The following KIF25 variants were observed in gnomAD, a reference collection of about 807,000 sequenced individuals.
The protein encoded by KIF25 is kinesin family member 25.
KIF25 carries 19 observed loss-of-function variants against 32.9 expected under a neutral mutation model. The ratio of observed to expected loss-of-function variants is 0.58; its 90% CI spans 0.40 to 0.85. KIF25 has a LOEUF of 0.85. Among genes scored for constraint, KIF25 ranks in the 40% least tolerant of loss-of-function variants. The pLI is 0.00. For synonymous variants in KIF25, 225 were observed against 213.7 expected (o/e 1.05, Z -0.46); for missense variants, 485 against 507.0 (o/e 0.96, Z 0.42).
chr6:168,000,508 A>C (rs1583121161), intron 2 of KIF25, among the ~76,000 whole-genome samples: 1 of 51,492 alleles, frequency 1.9e-5, no homozygotes, highest in African/African-American at 7.7e-5. Flanking sequence ...GACCCTCCCC[A>C]CTCCCATCCT....
intron 5 of KIF25, among the ~76,000 whole-genome samples, chr6:168,022,935 C>A (rs973066245): frequency 2.6e-5 from 4 of 151,876 alleles, no homozygotes; most frequent in African/African-American, 9.7e-5. Context: ...CATTTGGATT[C>A]TGTGCTCACT....
At chr6:168,024,522 A>T (rs1170739248) in intron 5 of KIF25, among the ~76,000 whole-genome samples, 1 of 139,776 alleles carries the variant, frequency 7.2e-6, no homozygotes, top group Non-Finnish European at 1.5e-5. Flanking sequence ...GACTCCTTCC[A>T]GGAGTTTATA....
At chr6:168,042,496 C>G in intron 11 of KIF25, 65 bp from the exon 12 acceptor site, 1 of 1,565,964 alleles carries the variant, frequency 6.4e-7, no homozygotes, top group Non-Finnish European at 8.7e-7. Flanking sequence ...CCCAAGGAGC[C>G]GGTTTTGCTT....
At chr6:168,033,395 G>C (rs1311825328) in intron 7 of KIF25, among the ~76,000 whole-genome samples, 1 of 151,890 alleles carries the variant, frequency 6.6e-6, no homozygotes, top group Non-Finnish European at 1.5e-5. Flanking sequence ...AGCTACTTGG[G>C]AGGCTTAGGC....
chr6:168,012,212 G>C (rs947261224), intron 4 of KIF25, among the ~76,000 whole-genome samples: 3 of 152,084 alleles, frequency 2.0e-5, no homozygotes, highest in East Asian at 1.9e-4. Flanking sequence ...TCTGTTACTA[G>C]AGGATTATTA....
chr6:168,038,220 T>C (rs1799054110), intron 8 of KIF25, among the ~76,000 whole-genome samples: 1 of 152,210 alleles, frequency 6.6e-6, no homozygotes, highest in Non-Finnish European at 1.5e-5. Context: ...CAGTGATTGG[T>C]CAATGGGGCA....
Position 168,040,205 on chromosome 6 carries a change from C to T in KIF25, c.635C>T (p.Ser212Phe), listed in dbSNP as rs940465491. The change falls in exon 10 of 13, where the codon TCT (serine) becomes TTT (phenylalanine). Residue 212 changes from serine to phenylalanine, a missense_variant. This residue lies in a region of KIF25 where 480 missense variants were observed against 470.3 expected (regional missense o/e 1.02). Transcript: ENST00000643607. ...GTGACTCTAACCACAGCCTCCTGCT[C>T]TGACAGCACTGGTAAGTCACCATTT... ...ITVTLTTASC[S>F]DSTADQACSA... 1 of 1,612,126 alleles carries T rather than the reference C, an allele frequency of 6.2e-7. No individual in the cohort carries two copies. The highest frequency in any genetic ancestry group is 1.3e-5 in the African/African-American group (1 of 74,918).
intron 4 of KIF25, among the ~76,000 whole-genome samples, chr6:168,009,329 T>G (rs917232372): frequency 6.6e-6 from 1 of 152,172 alleles, no homozygotes; most frequent in Non-Finnish European, 1.5e-5. Flanking sequence ...TTGGAGATGA[T>G]CACATGATTT....
intron 4 of KIF25, among the ~76,000 whole-genome samples, chr6:168,011,196 T>G (rs568095798): frequency 4.9e-4 from 74 of 152,300 alleles, no homozygotes; most frequent in Non-Finnish European, 9.3e-4. Context: ...GCTTCTTACT[T>G]CCTCTCTTAT....
intron 4 of KIF25, among the ~76,000 whole-genome samples, chr6:168,012,893 T>G (rs1398641661): frequency 6.6e-6 from 1 of 151,934 alleles, no homozygotes; most frequent in Non-Finnish European, 1.5e-5. Flanking sequence ...CTGCCAGGGG[T>G]GACCTGTGTG....
intron 9 of KIF25, 106 bp from the exon 10 acceptor site, chr6:168,039,959 C>T (rs2073631): frequency 0.59 from 808,669 of 1,363,094 alleles, 238,374 homozygotes; most frequent in Non-Finnish European, 0.6. Context: ...CCCACTGGCA[C>T]GCGTGGCTCA....
intron 11 of KIF25, 145 bp downstream of exon 11, chr6:168,042,296 C>T: frequency 1.1e-6 from 1 of 944,222 alleles, no homozygotes; most frequent in East Asian, 2.7e-5. Context: ...AATCCCGTTA[C>T]ATTCTCAGGG....
chr6:168,039,576 C>A (rs1253502595), intron 9 of KIF25, among the ~76,000 whole-genome samples: 2 of 151,938 alleles, frequency 1.3e-5, no homozygotes, highest in Admixed American at 1.3e-4. Flanking sequence ...ATCATCCATG[C>A]AACCCTGATA....
intron 8 of KIF25, among the ~76,000 whole-genome samples, chr6:168,035,441 A>AACGGCGCTGCGGCGGGGGGGCG: frequency 8.0e-5 from 1 of 12,520 alleles, no homozygotes; most frequent in Non-Finnish European, 1.4e-4. Flanking sequence ...GGCGCGGCGG[A>AACGGCGCTGCGGCGGGGGGGCG]GGAGGCGGGA....
In KIF25 at chr6:168,042,150, T is replaced by C. The variant is rs1424928879; in HGVS notation, c.828T>C (p.Val276=). The change falls in exon 11 of 13, where the codon GTT becomes GTC. Residue 276 remains valine, a splice_region_variant and synonymous_variant. Coordinates refer to ENST00000643607, the MANE Select transcript of KIF25 (RefSeq NM_030615.4). ...QLVDSAGSEC[V]GVSGVTGLAL... is the part of the protein sequence containing the mutation. The stretch of plus-strand genomic sequence containing the variant: ...TGGACTCGGCCGGCAGCGAGTGCGT[T>C]GGTGAGCAGGGGCAGGCATTTCCCT... 1.3e-6 allele frequency: 2 copies of C among 1,548,234 alleles called. No individual in the cohort carries two copies. The highest frequency in any genetic ancestry group is 2.4e-5 in the South Asian group (2 of 83,956).
At chr6:168,035,257 T>C (rs555088077) in intron 8 of KIF25, among the ~76,000 whole-genome samples, 4 of 151,496 alleles carry the variant, frequency 2.6e-5, no homozygotes, top group South Asian at 2.1e-4. Context: ...GTGTTCCCAG[T>C]GTGAGCTGCG....
At chr6:168,025,700 G>T (rs138883459) in intron 5 of KIF25, among the ~76,000 whole-genome samples, 1 of 152,202 alleles carries the variant, frequency 6.6e-6, no homozygotes, top group African/African-American at 2.4e-5. Flanking sequence ...TGCACCCTTC[G>T]GTTAAAGTGC....
At chr6:168,009,943 T>G (rs1179165347) in intron 4 of KIF25, among the ~76,000 whole-genome samples, 1 of 152,054 alleles carries the variant, frequency 6.6e-6, no homozygotes, top group East Asian at 1.9e-4. Context: ...CTGATTTTAT[T>G]TGGGTCTTCC....
At position 167,999,157 on chromosome 6, in the gene KIF25, T is replaced by G. The variant is rs1424022108; in HGVS notation, c.-533T>G. On this transcript the variant is annotated 5_prime_UTR_variant, in exon 2 of 13. Transcript: ENST00000643607. ...CCGCGTCTCAGGAGCTGGTGCCCGG[T>G]GCACGTTCAGTGGGGGATGCTCCGC... 6.6e-6 allele frequency: 1 copy of G among 152,334 alleles called. No homozygotes were observed. The highest frequency in any genetic ancestry group is 1.5e-5 in the Non-Finnish European group (1 of 68,108). The allele number at this position is 152,334 out of a possible 1,614,324, so 9.4% of individuals were successfully genotyped here. A position where few individuals can be genotyped will look rare whatever the true frequency, so the allele number is the denominator to read the frequency against.
Sources: allele counts gnomAD v4.1 joint callset (sites outside exome capture counted in the v4.1 genomes callset), GRCh38; gene constraint gnomAD v4.1.1; regional missense constraint gnomAD v4.1.1; transcripts MANE v1.5; gene names NCBI Gene and HGNC (gene_info 2026-07-23, HGNC 2026-07-21).